SLC4A10: variants seen among roughly 807,000 people sequenced by gnomAD.
SLC4A10 encodes solute carrier family 4 member 10, also known as sodium-driven chloride bicarbonate exchanger.
In SLC4A10, 42 loss-of-function variants were observed where a neutral mutation model predicts 137.7. The ratio of observed to expected loss-of-function variants is 0.30; its 90% CI spans 0.24 to 0.39. SLC4A10 has a LOEUF of 0.39. Among genes scored for constraint, SLC4A10 ranks in the 10% least tolerant of loss-of-function variants. SLC4A10 has a pLI of 1.00. For synonymous variants in SLC4A10, 474 were observed against 464.1 expected (o/e 1.02, Z -0.27); for missense variants, 925 against 1,355.0 (o/e 0.68, Z 4.98).
At chr2:161,815,469 G>A (rs1297732897) in intron 3 of SLC4A10, among the ~76,000 whole-genome samples, 1 of 152,158 alleles carries the variant, frequency 6.6e-6, no homozygotes, top group African/African-American at 2.4e-5. Flanking sequence ...ATGGAGCTGT[G>A]AGACAATTAA....
intron 3 of SLC4A10, among the ~76,000 whole-genome samples, chr2:161,811,316 T>G (rs1028380493): frequency 2.6e-5 from 4 of 152,018 alleles, no homozygotes; most frequent in Non-Finnish European, 4.4e-5. Context: ...AAACAAACTC[T>G]GTTTCATTTA....
At chr2:161,733,077 T>C (rs972455263) in intron 1 of SLC4A10, among the ~76,000 whole-genome samples, 2 of 152,114 alleles carry the variant, frequency 1.3e-5, no homozygotes, top group African/African-American at 4.8e-5. Context: ...CAGCCTGACA[T>C]TGAGATAGAA....
chr2:161,854,316 C>T (rs1188446094), intron 4 of SLC4A10, among the ~76,000 whole-genome samples: 1 of 152,082 alleles, frequency 6.6e-6, no homozygotes, highest in Non-Finnish European at 1.5e-5. Context: ...TCATTTCAGT[C>T]CAAGAAGACA....
intron 4 of SLC4A10, 82 bp downstream of exon 4, chr2:161,840,009 T>G (rs939052466): frequency 5.8e-6 from 9 of 1,549,122 alleles, no homozygotes; most frequent in Non-Finnish European, 7.1e-6. Context: ...GCAACAATTT[T>G]GCAAACATCT....
intron 12 of SLC4A10, among the ~76,000 whole-genome samples, chr2:161,901,348 A>T (rs936417305): frequency 1.5e-4 from 23 of 152,190 alleles, no homozygotes; most frequent in Non-Finnish European, 3.1e-4. Context: ...TAGAAATAAA[A>T]CTAAATACCA....
chr2:161,905,621 C>T, intron 14 of SLC4A10, 21 bp from the exon 15 acceptor site: 1 of 1,566,574 alleles, frequency 6.4e-7, no homozygotes, highest in Non-Finnish European at 8.6e-7. Flanking sequence ...TTTCACTGTT[C>T]TTTCCTTTTC....
chr2:161,956,374 A>G (rs1370895753), intron 19 of SLC4A10, among the ~76,000 whole-genome samples: 1 of 152,164 alleles, frequency 6.6e-6, no homozygotes, highest in Non-Finnish European at 1.5e-5. Context: ...TGCCTCTCAT[A>G]AAGCAGTCAC....
intron 19 of SLC4A10, among the ~76,000 whole-genome samples, chr2:161,951,746 C>T (rs758605387): frequency 6.6e-6 from 1 of 152,046 alleles, no homozygotes; most frequent in African/African-American, 2.4e-5. Context: ...AAAAATATCT[C>T]TGATTAAACT....
intron 1 of SLC4A10, among the ~76,000 whole-genome samples, chr2:161,737,319 A>C (rs928264864): frequency 2.6e-5 from 4 of 152,176 alleles, no homozygotes; most frequent in Admixed American, 1.3e-4. Context: ...TTTGGAACCC[A>C]TCAGGGAATA....
At chr2:161,788,832 T>G (rs1445040776) in intron 2 of SLC4A10, among the ~76,000 whole-genome samples, 1 of 152,140 alleles carries the variant, frequency 6.6e-6, no homozygotes, top group Non-Finnish European at 1.5e-5. Flanking sequence ...TCACTTTCAA[T>G]GAGGTGTAGC....
chr2:161,727,358 T>A (rs975892934), intron 1 of SLC4A10, among the ~76,000 whole-genome samples: 3 of 152,182 alleles, frequency 2.0e-5, no homozygotes, highest in African/African-American at 7.2e-5. Flanking sequence ...GTTGACAAGC[T>A]CAATCCACAT....
intron 1 of SLC4A10, among the ~76,000 whole-genome samples, chr2:161,666,881 C>G (rs1031176833): frequency 6.6e-6 from 1 of 151,650 alleles, no homozygotes; most frequent in African/African-American, 2.4e-5. Context: ...GTAACACTTA[C>G]TGCTTATAAG....
chr2:161,833,465 G>A (rs1407451470), intron 3 of SLC4A10, among the ~76,000 whole-genome samples: 1 of 152,186 alleles, frequency 6.6e-6, no homozygotes, highest in Non-Finnish European at 1.5e-5. Flanking sequence ...ACCCCCTGGA[G>A]AATGAAAAGG....
chr2:161,695,671 T>C (rs1188651159), intron 1 of SLC4A10, among the ~76,000 whole-genome samples: 1 of 152,170 alleles, frequency 6.6e-6, no homozygotes, highest in African/African-American at 2.4e-5. Context: ...TCTGCTCTCA[T>C]TCCTTAGGCT....
At chr2:161,760,868 T>A (rs2050182309) in intron 1 of SLC4A10, among the ~76,000 whole-genome samples, 1 of 151,764 alleles carries the variant, frequency 6.6e-6, no homozygotes. Context: ...GATACGTGGA[T>A]AAAGAGAATG....
chr2:161,883,488 A>AT (rs1280688409), intron 10 of SLC4A10, among the ~76,000 whole-genome samples: 1 of 152,182 alleles, frequency 6.6e-6, no homozygotes, highest in Admixed American at 6.6e-5. Flanking sequence ...GAAGAAAAAC[A>AT]TTTTTTCCCT....
intron 10 of SLC4A10, 38 bp from the exon 11 acceptor site, chr2:161,894,640 AT>A (rs1158131505): frequency 3.6e-6 from 4 of 1,109,518 alleles, no homozygotes; most frequent in Admixed American, 3.9e-5. Flanking sequence ...TTTTATAATT[AT>A]TTTTAAGCTA....
At chr2:161,861,214 C>T (rs917458698) in intron 5 of SLC4A10, among the ~76,000 whole-genome samples, 13 of 152,188 alleles carry the variant, frequency 8.5e-5, no homozygotes, top group African/African-American at 3.1e-4. Context: ...TGAATACCAT[C>T]TCCTTTGCCA....
chr2:161,782,432 G>T (rs1268787558), intron 2 of SLC4A10, among the ~76,000 whole-genome samples: 1 of 151,834 alleles, frequency 6.6e-6, no homozygotes, highest in African/African-American at 2.4e-5. Flanking sequence ...TTTATCTGAT[G>T]CAAAGACACC....
Sources: gnomAD v4.1 joint callset for allele counts (sites outside exome capture counted in the v4.1 genomes callset) on GRCh38, gnomAD v4.1.1 for gene constraint, MANE v1.5 for transcripts, NCBI Gene and HGNC (gene_info 2026-07-23, HGNC 2026-07-21) for gene names.